SUSD3: variants seen among roughly 807,000 people sequenced by gnomAD.
The protein encoded by SUSD3 is sushi domain containing 3.
In SUSD3, 18 loss-of-function variants were observed where a neutral mutation model predicts 20.6. The ratio of observed to expected loss-of-function variants is 0.87; its 90% CI spans 0.60 to 1.30. SUSD3 has a LOEUF of 1.30. SUSD3 is among the 50% of genes most tolerant of loss of function. The probability of loss-of-function intolerance (pLI) is 0.00; values close to 1 mark genes in which losing one functional copy is unlikely to be tolerated. For synonymous variants in SUSD3, 137 were observed against 141.5 expected, an observed-to-expected ratio of 0.97 and a Z score of 0.23; for missense variants, 306 against 346.9, an observed-to-expected ratio of 0.88 and a Z score of 0.94.
At chr9:93,066,838 AGCTGGATTACAG>A (rs370234994) in intron 1 of SUSD3, among the ~76,000 whole-genome samples, 27 of 152,200 alleles carry the variant, frequency 1.8e-4, no homozygotes, top group African/African-American at 5.3e-4. Flanking sequence ...CCTCCTGAGT[AGCTGGATTACAG>A]GCGTGCACCA....
At chr9:93,075,751 C>CCCCCCCCCCCCA in intron 1 of SUSD3, 33 bp from the exon 2 acceptor site, 1 of 248,752 alleles carries the variant, frequency 4.0e-6, no homozygotes, top group South Asian at 4.3e-5. Flanking sequence ...CCCCCCCCCC[C>CCCCCCCCCCCCA]CCGCCATGCC....
At chr9:93,074,897 C>A (rs537836481) in intron 1 of SUSD3, among the ~76,000 whole-genome samples, 1 of 152,258 alleles carries the variant, frequency 6.6e-6, no homozygotes, top group Admixed American at 6.5e-5. Context: ...CAAGCATGAG[C>A]CACCATGCCT....
rs752076564 is a variant in SUSD3, at chr9:93,075,835, G to C, written c.140G>C (p.Arg47Pro). Residue 47 changes from arginine to proline, a missense_variant, in exon 2 of 5, where the codon CGT (arginine) becomes CCT (proline). Coordinates refer to ENST00000375472, the MANE Select transcript of SUSD3 (RefSeq NM_145006.4). ...CCGCAAGCAACCTTCCAAGTCCTTCGTGGCAATGGTGCTTCCGTGGGGACC... is the reference window on the plus strand; with the variant it reads ...CCGCAAGCAACCTTCCAAGTCCTTCCTGGCAATGGTGCTTCCGTGGGGACC... ...LPPQATFQVL[R>P]GNGASVGTVL... 3 of 1,608,678 alleles carry C rather than the reference G, an allele frequency of 1.9e-6. No homozygotes were observed. The highest frequency in any genetic ancestry group is 2.2e-5 in the South Asian group (2 of 90,980).
chr9:93,060,443 A>C (rs1336121644), intron 1 of SUSD3, among the ~76,000 whole-genome samples: 1 of 151,324 alleles, frequency 6.6e-6, no homozygotes, highest in Non-Finnish European at 1.5e-5. Context: ...GGACTCCATC[A>C]CTCCCCTGCC....
rs1268775243 is a variant in SUSD3, at chr9:93,079,570, C to T, written c.525C>T (p.Pro175=). 1 of 1,614,000 alleles carries T rather than the reference C, an allele frequency of 6.2e-7. No homozygotes were observed. Among genetic ancestry groups the T allele is most frequent in the Non-Finnish European group, 8.5e-7 (1 of 1,179,980 alleles). ...ACTTCAACAAACCCGTGAGCGGGCC[C>T]AGCCAGGCGCACGACAACCACAGCT... ...LKHFNKPVSG[P]SQAHDNHSFT... The change falls in exon 4 of 5, where the codon CCC becomes CCT. Residue 175 remains proline (P), a synonymous_variant. Coordinates refer to ENST00000375472, the MANE Select transcript of SUSD3 (RefSeq NM_145006.4).
intron 1 of SUSD3, chr9:93,069,007 GTCTC>G (rs1210704617): frequency 2.6e-5 from 16 of 617,888 alleles, no homozygotes; most frequent in East Asian, 1.4e-4. Context: ...TGTGAATGTG[GTCTC>G]TCTCTCTCTA....
In SUSD3 at chr9:93,075,992, C is replaced by A; in HGVS notation, c.277+20C>A. On this transcript the variant is annotated intron_variant, in intron 2 of 4. Transcript: ENST00000375472. ...GCAAACGTAAGGACCCCTCTCTCAG[C>A]TCGGTGGCTCTGGGGGTGGGGGATG... The A allele has an allele frequency of 6.4e-7, 1 of 1,564,310 alleles. No homozygotes were observed. Among genetic ancestry groups the A allele is most frequent in the South Asian group, 1.2e-5 (1 of 85,140 alleles).
chr9:93,079,557 C>G lies in SUSD3; in HGVS notation c.512C>G (p.Pro171Arg), dbSNP rs770342327. The G allele has an allele frequency of 6.2e-7, 1 of 1,614,094 alleles. No individual in the cohort carries two copies. The highest frequency in any genetic ancestry group is 1.1e-5 in the South Asian group (1 of 91,080). The change falls in exon 4 of 5, where the codon CCC becomes CGC. Residue 171 changes from proline to arginine, a missense_variant. Coordinates refer to ENST00000375472, the MANE Select transcript of SUSD3 (RefSeq NM_145006.4). ...CTTGGCCTCAAGCACTTCAACAAAC[C>G]CGTGAGCGGGCCCAGCCAGGCGCAC... ...AYLGLKHFNK[P>R]VSGPSQAHDN...
At chr9:93,082,310 CTTTTTTTTTTTT>C (rs561486543) in intron 4 of SUSD3, among the ~76,000 whole-genome samples, 2,818 of 87,396 alleles carry the variant, frequency 0.032, 132 homozygotes, top group African/African-American at 0.15. Context: ...GGCCTCTTTC[CTTTTTTTTTTTT>C]TTTTTTTTTT....
chr9:93,058,968 C>A, intron 1 of SUSD3, 138 bp downstream of exon 1: 1 of 477,868 alleles, frequency 2.1e-6, no homozygotes, highest in Non-Finnish European at 3.3e-6. Context: ...GACGAACCTC[C>A]TCGACCCTCC....
chr9:93,082,864 C>T (rs934405004), intron 4 of SUSD3, among the ~76,000 whole-genome samples: 1 of 152,200 alleles, frequency 6.6e-6, no homozygotes, highest in Admixed American at 6.5e-5. Flanking sequence ...CAGCTGCTGC[C>T]GCTGCCGCAG....
At chr9:93,061,944 A>G (rs1279731801) in intron 1 of SUSD3, among the ~76,000 whole-genome samples, 3 of 152,224 alleles carry the variant, frequency 2.0e-5, no homozygotes, top group African/African-American at 7.2e-5. Flanking sequence ...ACTTAATCCC[A>G]CAGCAGGCGA....
chr9:93,064,291 C>A (rs1372336039), intron 1 of SUSD3, among the ~76,000 whole-genome samples: 2 of 152,180 alleles, frequency 1.3e-5, no homozygotes, highest in African/African-American at 2.4e-5. Context: ...TGTGATCTGC[C>A]CACCTTGGCC....
intron 4 of SUSD3, 41 bp downstream of exon 4, chr9:93,079,643 G>A: frequency 6.2e-7 from 1 of 1,607,704 alleles, no homozygotes; most frequent in Non-Finnish European, 8.5e-7. Flanking sequence ...GGGGGACAAG[G>A]GGTCCAGCTT....
chr9:93,078,028 G>A, intron 3 of SUSD3, 35 bp downstream of exon 3: 1 of 1,613,700 alleles, frequency 6.2e-7, no homozygotes, highest in Non-Finnish European at 8.5e-7. Context: ...GTCCTCCCGG[G>A]AGGCGCCTCT....
intron 1 of SUSD3, among the ~76,000 whole-genome samples, chr9:93,075,513 G>C (rs1587912961): frequency 6.9e-6 from 1 of 144,760 alleles, no homozygotes; most frequent in East Asian, 2.1e-4. Flanking sequence ...AGGTATGTTT[G>C]CTTTTATTGT....
intron 1 of SUSD3, 53 bp from the exon 2 acceptor site, chr9:93,075,731 T>TGGGGGGGGG: frequency 2.5e-6 from 1 of 398,892 alleles, no homozygotes; most frequent in East Asian, 4.8e-5. Flanking sequence ...AGCCCTGCCC[T>TGGGGGGGGG]GCGTGCCCAC....
At chr9:93,062,365 T>G (rs2118902668) in intron 1 of SUSD3, among the ~76,000 whole-genome samples, 1 of 152,352 alleles carries the variant, frequency 6.6e-6, no homozygotes, top group African/African-American at 2.4e-5. Flanking sequence ...CTTTAAGATT[T>G]ACATGCAAAG....
Position 93,061,130 on chromosome 9 carries a change from T to C in SUSD3, c.88+2300T>C, listed in dbSNP as rs528473543. Among the ~76,000 whole-genome samples the C allele has an allele frequency of 3.9e-5, 6 of 152,312 alleles. No individual in the cohort carries two copies. In the South Asian group the frequency reaches 1.0e-3, roughly 26 times the overall value. Reference sequence around the variant, plus strand: ...CCCCAGCACTCCCTGATCTGGGAGATTGTCCAGGAAAGCAGGGTTCCAGTG... The same window carrying C: ...CCCCAGCACTCCCTGATCTGGGAGACTGTCCAGGAAAGCAGGGTTCCAGTG... On this transcript the variant is annotated intron_variant, in intron 1 of 4. Coordinates refer to ENST00000375472, the MANE Select transcript of SUSD3 (RefSeq NM_145006.4).
Sources: gnomAD v4.1 joint callset for allele counts (sites outside exome capture counted in the v4.1 genomes callset) on GRCh38, gnomAD v4.1.1 for gene constraint, MANE v1.5 for transcripts, NCBI Gene and HGNC (gene_info 2026-07-23, HGNC 2026-07-21) for gene names.